The following RGS20 variants were observed in gnomAD, a reference collection of about 807,000 sequenced individuals.
RGS20 encodes gz-selective GTPase-activating protein.
In RGS20, 30 loss-of-function variants were observed where a neutral mutation model predicts 33.6. The observed-to-expected ratio is 0.89, with a 90% CI of 0.67 to 1.21. The LOEUF is 1.21. Among genes scored for constraint, RGS20 ranks in the 50% most tolerant of loss-of-function variants. The pLI is 0.00. For missense variants in RGS20, 472 were observed against 502.4 expected (o/e 0.94, Z 0.58); for synonymous variants, 208 against 197.9 (o/e 1.05, Z -0.43).
intron 3 of RGS20, chr8:53,946,435 T>G: frequency 1.9e-6 from 1 of 521,332 alleles, no homozygotes; most frequent in Non-Finnish European, 3.5e-6. Flanking sequence ...ACACAATAAT[T>G]TCTAACTCTT....
At chr8:53,913,461 C>T (rs1813402850) in intron 2 of RGS20, 1 of 152,138 alleles carries the variant, frequency 6.6e-6, no homozygotes, top group African/African-American at 2.4e-5. Flanking sequence ...AAGTTCTAAC[C>T]ATGATACCTG....
intron 1 of RGS20, among the ~76,000 whole-genome samples, chr8:53,874,367 GGTGTGTGT>G (rs138636662): frequency 0.062 from 9,122 of 146,524 alleles, 633 homozygotes; most frequent in East Asian, 0.3. Context: ...AGCAATAAGG[GGTGTGTGT>G]GTGTGTGTGT....
At chr8:53,928,090 G>T (rs1159849605) in intron 2 of RGS20, among the ~76,000 whole-genome samples, 1 of 152,010 alleles carries the variant, frequency 6.6e-6, no homozygotes, top group Non-Finnish European at 1.5e-5. Flanking sequence ...TAATCTAAAA[G>T]AATTCAACAT....
chr8:53,881,724 G>T (rs1371917851), intron 2 of RGS20, among the ~76,000 whole-genome samples: 3 of 152,152 alleles, frequency 2.0e-5, no homozygotes, highest in African/African-American at 7.2e-5. Flanking sequence ...CTTGAAAACC[G>T]AATGAACAGA....
At chr8:53,947,069 T>C (rs554594200) in intron 4 of RGS20, among the ~76,000 whole-genome samples, 1 of 147,528 alleles carries the variant, frequency 6.8e-6, no homozygotes, top group East Asian at 2.0e-4. Context: ...TATAATTTTA[T>C]ATAAGATATA....
chr8:53,855,069 CTTT>C (rs915809743), intron 1 of RGS20, among the ~76,000 whole-genome samples: 1 of 151,608 alleles, frequency 6.6e-6, no homozygotes, highest in African/African-American at 2.4e-5. Flanking sequence ...ATAAGCCACT[CTTT>C]TTTTTTCTTT....
At chr8:53,892,111 G>T (rs1812726404) in intron 2 of RGS20, among the ~76,000 whole-genome samples, 1 of 151,982 alleles carries the variant, frequency 6.6e-6, no homozygotes, top group Non-Finnish European at 1.5e-5. Context: ...TCATTGTTCA[G>T]TTCCCACCTA....
intron 2 of RGS20, among the ~76,000 whole-genome samples, chr8:53,937,611 A>T (rs561078778): frequency 3.1e-4 from 47 of 152,346 alleles, no homozygotes; most frequent in African/African-American, 9.6e-4. Context: ...ACAGAATGGG[A>T]GAAAATTTTT....
At chr8:53,916,727 T>C (rs990850636) in intron 2 of RGS20, among the ~76,000 whole-genome samples, 3 of 152,198 alleles carry the variant, frequency 2.0e-5, no homozygotes, top group Non-Finnish European at 2.9e-5. Context: ...CAATTCATGT[T>C]GCTATAACAG....
chr8:53,922,662 G>A (rs1813682560), intron 2 of RGS20, among the ~76,000 whole-genome samples: 1 of 151,798 alleles, frequency 6.6e-6, no homozygotes, highest in Non-Finnish European at 1.5e-5. Context: ...CACTGTATGT[G>A]TATATTTTTT....
intron 1 of RGS20, among the ~76,000 whole-genome samples, chr8:53,853,097 GT>G (rs1811601461): frequency 6.6e-6 from 1 of 152,198 alleles, no homozygotes. Context: ...GAAATGGGAT[GT>G]AGTGTCCAAG....
intron 4 of RGS20, among the ~76,000 whole-genome samples, chr8:53,949,542 C>T (rs555474816): frequency 1.4e-3 from 213 of 151,862 alleles, no homozygotes; most frequent in African/African-American, 3.8e-3. Flanking sequence ...CATGGTGAAA[C>T]CCCTTTTCTA....
intron 2 of RGS20, among the ~76,000 whole-genome samples, chr8:53,933,498 G>A (rs937177198): frequency 6.6e-6 from 1 of 152,148 alleles, no homozygotes; most frequent in African/African-American, 2.4e-5. Context: ...TCAAGTGGAA[G>A]AAAGGATATC....
At chr8:53,951,121 G>C (rs975841261) in intron 4 of RGS20, among the ~76,000 whole-genome samples, 1 of 152,168 alleles carries the variant, frequency 6.6e-6, no homozygotes, top group African/African-American at 2.4e-5. Context: ...ATCTGCTAAC[G>C]ATAGAGGGAG....
At chr8:53,884,191 C>CT (rs4014055) in intron 2 of RGS20, among the ~76,000 whole-genome samples, 6,274 of 103,252 alleles carry the variant, frequency 0.061, 966 homozygotes, top group African/African-American at 0.23. Flanking sequence ...GAAAAACAGT[C>CT]TTTTTTTTTT....
At position 53,917,747 on chromosome 8, in the gene RGS20, C is replaced by T. The variant is rs1265714232; in HGVS notation, c.511-21829C>T. 3.3e-5 allele frequency among the ~76,000 whole-genome samples: 5 copies of T among 152,208 alleles called. No individual in the cohort carries two copies. In the South Asian group the frequency reaches 8.3e-4, roughly 25 times the overall value. Reference sequence around the variant, plus strand: ...TCACACCACTGCACTCCAGTCTGGGCGACAGAGACTGACTCTGTCTCAGTC... The same window carrying T: ...TCACACCACTGCACTCCAGTCTGGGTGACAGAGACTGACTCTGTCTCAGTC... On this transcript the variant is annotated intron_variant, in intron 2 of 5. Transcript: ENST00000297313.
chr8:53,896,622 T>A (rs1812869649), intron 2 of RGS20, among the ~76,000 whole-genome samples: 1 of 152,210 alleles, frequency 6.6e-6, no homozygotes, highest in South Asian at 2.1e-4. Flanking sequence ...TAGTCTACTC[T>A]TTAAAAAAAT....
At chr8:53,929,766 A>C (rs1316933227) in intron 2 of RGS20, among the ~76,000 whole-genome samples, 1 of 152,238 alleles carries the variant, frequency 6.6e-6, no homozygotes, top group Non-Finnish European at 1.5e-5. Context: ...TCTAAGAGTT[A>C]GCTCACTCAG....
intron 3 of RGS20, among the ~76,000 whole-genome samples, chr8:53,944,462 C>T (rs992564552): frequency 6.6e-6 from 1 of 150,988 alleles, no homozygotes; most frequent in Non-Finnish European, 1.5e-5. Flanking sequence ...CACTTAAACC[C>T]GGGAGGCGGA....
Sources: allele counts gnomAD v4.1 joint callset (sites outside exome capture counted in the v4.1 genomes callset), GRCh38; gene constraint gnomAD v4.1.1; transcripts MANE v1.5; gene names NCBI Gene and HGNC (gene_info 2026-07-23, HGNC 2026-07-21).